GLB1L2: variants seen among roughly 807,000 people sequenced by gnomAD.
The protein encoded by GLB1L2 is galactosidase beta 1 like 2.
A neutral mutation model predicts 84.1 loss-of-function variants in GLB1L2; 68 were observed. The ratio of observed to expected loss-of-function variants is 0.81; its 90% CI spans 0.67 to 0.99. The LOEUF (loss-of-function observed/expected upper bound fraction) is 0.99. Ranked by LOEUF, GLB1L2 falls within the 50% of genes least tolerant of loss-of-function variation. The pLI is 0.00. For missense variants in GLB1L2, 762 were observed against 805.6 expected (o/e 0.95, Z 0.66); for synonymous variants, 290 against 318.0 (o/e 0.91, Z 0.94).
In GLB1L2 at chr11:134,371,426, T is replaced by G. The variant is rs758615646; in HGVS notation, c.1362T>G (p.Phe454Leu). ...SGHVHDRGQV[F>L]VNTVSIGFLD... ...CTGCCTGTTCCCTTTGGCAGGTGTT[T>G]GTGAACACAGTATCCATAGGATTCT... is the stretch of plus-strand genomic sequence containing the variant. The change falls in exon 14 of 19, where the codon TTT becomes TTG. Residue 454 changes from phenylalanine to leucine, a missense_variant. Physicochemically the swap from Phe to Leu is conservative, Grantham distance 22. Around this residue, in one of 3 missense-constraint regions of GLB1L2, gnomAD observed 603 missense variants for 611.7 expected, o/e 0.99. Transcript: ENST00000535456. 1.3e-6 allele frequency: 2 copies of G among 1,578,818 alleles called. No homozygotes were observed. The highest frequency in any genetic ancestry group is 1.1e-5 in the South Asian group (1 of 90,422).
rs780222064 is a variant in GLB1L2, at chr11:134,338,769, G to A, written c.87-3985G>A. Among the ~76,000 whole-genome samples, 4 of 152,194 alleles carry A rather than the reference G, an allele frequency of 2.6e-5. No individual in the cohort carries two copies. Among genetic ancestry groups the A allele is most frequent in the Non-Finnish European group, 5.9e-5 (4 of 68,030 alleles). On this transcript the variant is annotated intron_variant, in intron 1 of 18. Transcript: ENST00000535456. The surrounding 1 kb of genome is among the most constrained non-coding windows in gnomAD (Gnocchi z 6.2). Reference sequence around the variant, plus strand: ...CTTTTCCACTTGCCAAAAGGGAACTGGTGAGGATGGGCTGTAGAGGTCTTG... The same window carrying A: ...CTTTTCCACTTGCCAAAAGGGAACTAGTGAGGATGGGCTGTAGAGGTCTTG...
In GLB1L2 at chr11:134,339,937, G is replaced by GTGGC. The variant is rs1162956731; in HGVS notation, c.87-2814_87-2811dup. Among the ~76,000 whole-genome samples, 3 of 152,168 alleles carry GTGGC rather than the reference G, an allele frequency of 2.0e-5. No individual in the cohort carries two copies. Among genetic ancestry groups the GTGGC allele is most frequent in the Non-Finnish European group, 4.4e-5 (3 of 68,036 alleles). On this transcript the variant is annotated intron_variant, in intron 1 of 18. Coordinates refer to ENST00000535456, the MANE Select transcript of GLB1L2 (RefSeq NM_001370461.1). The surrounding 1 kb of genome is among the most constrained non-coding windows in gnomAD (Gnocchi z 5.7). ...TGTGACCCTGAGGGAGTTCAGAGGTGTGGCTGTCTATAGACCACACCTGGA... is the reference window on the plus strand; with the variant it reads ...TGTGACCCTGAGGGAGTTCAGAGGTGTGGCTGGCTGTCTATAGACCACACCTGGA...
In GLB1L2 at chr11:134,347,390, AC is replaced by A; in HGVS notation, c.517del (p.Leu173PhefsTer6). On this transcript the variant is annotated frameshift_variant, in exon 5 of 19. Coordinates refer to ENST00000535456, the MANE Select transcript of GLB1L2 (RefSeq NM_001370461.1). LOFTEE classifies it high-confidence loss of function. The part of the protein sequence containing the change: ...TTYKGFTEAV[D>X]LYFDHLMSRV... ...TACAAGGGCTTCACCGAAGCAGTGG[AC>A]CTTTATTTTGACCACCTGATGTCCA... is the stretch of plus-strand genomic sequence containing the variant. The A allele has an allele frequency of 6.2e-7, 1 of 1,614,100 alleles. No individual in the cohort carries two copies. The highest frequency in any genetic ancestry group is 8.5e-7 in the Non-Finnish European group (1 of 1,179,988).
chr11:134,347,920 A>G (rs1044457100), intron 5 of GLB1L2, among the ~76,000 whole-genome samples: 9 of 152,320 alleles, frequency 5.9e-5, no homozygotes, highest in Admixed American at 2.0e-4. Flanking sequence ...ACTTTACGAG[A>G]TACTTCCCTC....
At chr11:134,350,822 G>A (rs947561767) in intron 5 of GLB1L2, among the ~76,000 whole-genome samples, 6 of 152,182 alleles carry the variant, frequency 3.9e-5, no homozygotes, top group Non-Finnish European at 7.3e-5. Flanking sequence ...TGATGGTGTC[G>A]TAAATGGAAT....
At position 134,334,478 on chromosome 11, in the gene GLB1L2, C is replaced by T. The variant is rs905988131; in HGVS notation, c.86+2331C>T. On this transcript the variant is annotated intron_variant, in intron 1 of 18. Coordinates refer to ENST00000535456, the MANE Select transcript of GLB1L2 (RefSeq NM_001370461.1). This position sits in a 1 kb window ranked among gnomAD's most constrained non-coding sequence, Gnocchi z 4.1. ...AATTTTTATTTTTATTTTTTTTAAGCGTAAACAGTGGTCTTTCTTAAAAAT... is the reference window on the plus strand; with the variant it reads ...AATTTTTATTTTTATTTTTTTTAAGTGTAAACAGTGGTCTTTCTTAAAAAT... 4.0e-5 allele frequency among the ~76,000 whole-genome samples: 6 copies of T among 151,798 alleles called. No individual in the cohort carries two copies. The highest frequency in any genetic ancestry group is 7.3e-5 in the African/African-American group (3 of 41,296).
In GLB1L2 at chr11:134,371,052, C is replaced by A; in HGVS notation, c.1260C>A (p.Val420=). The change falls in exon 13 of 19, where the codon GTC becomes GTA. Residue 420 remains valine, a synonymous_variant. Transcript: ENST00000535456. ...EKPINMENLP[V]NGGNGQSFGY... is the part of the protein sequence containing the mutation. ...CCATCAACATGGAGAACCTGCCAGT[C>A]AATGGGGGAAATGGACAGTCCTTCG... 6.2e-7 allele frequency: 1 copy of A among 1,614,178 alleles called. No homozygotes were observed. Among genetic ancestry groups the A allele is most frequent in the Non-Finnish European group, 8.5e-7 (1 of 1,180,034 alleles).
chr11:134,360,781 C>T (rs1029631934), intron 7 of GLB1L2: 3 of 151,982 alleles, frequency 2.0e-5, no homozygotes, highest in African/African-American at 7.3e-5. Flanking sequence ...CCATTTTCAA[C>T]TCTTTGACTT....
rs146664631 is a variant in GLB1L2 at position 134,367,942 on chromosome 11, C to T, written c.889+601C>T. ...ATCCCGGTGAGCATCCCGGAGCCTG[C>T]GCTCTGCGCACCCGGCTTTCCCTGG... On this transcript the variant is annotated intron_variant, in intron 9 of 18. Transcript: ENST00000535456. Among the ~76,000 whole-genome samples the T allele has an allele frequency of 9.6e-3, 1,456 of 152,332 alleles. 13 individuals carry two copies. Among genetic ancestry groups the T allele is most frequent in the Non-Finnish European group, 0.016 (1,055 of 68,030 alleles).
chr11:134,337,588 C>A (rs984716035), intron 1 of GLB1L2, among the ~76,000 whole-genome samples: 2 of 152,168 alleles, frequency 1.3e-5, no homozygotes. Context: ...CCAAAATATC[C>A]CCAAACAGAC....
chr11:134,369,755 G>A, intron 10 of GLB1L2, 50 bp from the exon 11 acceptor site: 2 of 1,522,658 alleles, frequency 1.3e-6, no homozygotes, highest in Non-Finnish European at 1.8e-6. Flanking sequence ...CGTGCTACAT[G>A]TGCTGTGCTG....
intron 4 of GLB1L2, 61 bp downstream of exon 4, chr11:134,345,190 G>T: frequency 6.8e-7 from 1 of 1,473,908 alleles, no homozygotes; most frequent in Non-Finnish European, 9.1e-7. Flanking sequence ...CATAGGTCTG[G>T]TTTGTTTCTG....
intron 1 of GLB1L2, among the ~76,000 whole-genome samples, chr11:134,341,809 T>TCGCTTGTTCCCTCC (rs1266259730): frequency 6.6e-6 from 1 of 152,188 alleles, no homozygotes; most frequent in Non-Finnish European, 1.5e-5. Flanking sequence ...CTGGGCCCTC[T>TCGCTTGTTCCCTCC]CGCTTGTTCC....
intron 5 of GLB1L2, among the ~76,000 whole-genome samples, chr11:134,351,641 G>C (rs1943635712): frequency 1.3e-5 from 2 of 152,074 alleles, no homozygotes; most frequent in Admixed American, 1.3e-4. Context: ...CACCATGCCT[G>C]GCCTACATTG....
At chr11:134,367,484 C>T (rs1236326818) in intron 9 of GLB1L2, 143 bp downstream of exon 9, 7 of 641,552 alleles carry the variant, frequency 1.1e-5, no homozygotes. Flanking sequence ...TTTGGATATT[C>T]CTGAGTCATT....
intron 6 of GLB1L2, among the ~76,000 whole-genome samples, chr11:134,357,716 G>C (rs1943722979): frequency 6.6e-6 from 1 of 152,242 alleles, no homozygotes; most frequent in African/African-American, 2.4e-5. Flanking sequence ...TGGGCAAAGA[G>C]AAGCAGCAGC....
chr11:134,375,272 G>A lies in GLB1L2; in HGVS notation c.*214G>A. On this transcript the variant is annotated 3_prime_UTR_variant, in exon 19 of 19. Coordinates refer to ENST00000535456, the MANE Select transcript of GLB1L2 (RefSeq NM_001370461.1). ...TCTGGGCCTGGCTTTGTTGATGATG[G>A]CTTTCCTACAGCCCTGCTCTTGTGC... The A allele has an allele frequency of 1.8e-6, 1 of 541,844 alleles. No individual in the cohort carries two copies. The highest frequency in any genetic ancestry group is 3.3e-6 in the Non-Finnish European group (1 of 304,890). The allele number at this position is 541,844 out of a possible 1,614,324, so 33.6% of individuals were successfully genotyped here.
chr11:134,374,935 C>G, intron 18 of GLB1L2, 37 bp from the exon 19 acceptor site: 2 of 1,583,196 alleles, frequency 1.3e-6, no homozygotes, highest in South Asian at 1.1e-5. Flanking sequence ...CCAGGACAGA[C>G]GTCAGCTGCC....
In GLB1L2 at chr11:134,356,322, A is replaced by G. The variant is rs1943701101; in HGVS notation, c.580A>G (p.Ile194Val). Residue 194 changes from isoleucine (I) to valine (V), a missense_variant, in exon 6 of 19, where the codon ATT (isoleucine) becomes GTT (valine). Coordinates refer to ENST00000535456, the MANE Select transcript of GLB1L2 (RefSeq NM_001370461.1). ...PLQYKRGGPI[I>V]AVQVENEYGS... is the part of the protein sequence containing the mutation. ...GCAGTACAAGCGTGGGGGACCTATC[A>G]TTGCCGTGCAGGTGGAGAATGAATA... The G allele has an allele frequency of 6.2e-7, 1 of 1,613,960 alleles. No individual in the cohort carries two copies. The highest frequency in any genetic ancestry group is 8.5e-7 in the Non-Finnish European group (1 of 1,179,948).
Sources: allele counts gnomAD v4.1 joint callset (sites outside exome capture counted in the v4.1 genomes callset), GRCh38; gene constraint gnomAD v4.1.1; regional missense constraint gnomAD v4.1.1; non-coding constraint Gnocchi (gnomAD v3.1); transcripts MANE v1.5; gene names NCBI Gene and HGNC (gene_info 2026-07-23, HGNC 2026-07-21).